The following HR variants were observed in gnomAD, a reference collection of about 807,000 sequenced individuals.
HR encodes the protein HR lysine demethylase and nuclear receptor corepressor, also known as lysine-specific demethylase hairless.
Under a neutral mutation model 128.6 loss-of-function variants are expected in HR, and 83 were observed. That is an observed-to-expected ratio of 0.65 (90% CI 0.54 to 0.77). HR has a LOEUF of 0.77. HR is among the 30% of genes least tolerant of loss of function. The pLI, the probability that HR is intolerant of heterozygous loss-of-function variation, is 0.00. For synonymous variants in HR, 681 were observed against 658.2 expected, an observed-to-expected ratio of 1.03 and a Z score of -0.53; for missense variants, 1,490 against 1,574.6, an observed-to-expected ratio of 0.95 and a Z score of 0.91.
chr8:22,123,617 T>TTGGGGGGGC, intron 6 of HR, 32 bp downstream of exon 6: 14 of 292,080 alleles, frequency 4.8e-5, no homozygotes, highest in Non-Finnish European at 8.1e-5. Context: ...GAGGGCTCCA[T>TTGGGGGGGC]CCCGCCCTCC....
chr8:22,127,157 TG>T lies in HR; in HGVS notation c.1284del (p.Lys429SerfsTer26). Reference protein sequence around the residue: ...EVQGAMGSPAPKRPPDPFPGT... With the variant: ...EVQGAMGSPAXKRPPDPFPGT... ...CCTGGAAAAGGGTCCGGTGGCCGCT[TG>T]GGGGCTGGACTGCCCATTGCTCCCT... On this transcript the variant is annotated frameshift_variant, in exon 3 of 19. Coordinates refer to ENST00000381418, the MANE Select transcript of HR (RefSeq NM_005144.5). LOFTEE classifies it high-confidence loss of function. The T allele has an allele frequency of 6.2e-7, 1 of 1,612,542 alleles. No individual in the cohort carries two copies. The highest frequency in any genetic ancestry group is 8.5e-7 in the Non-Finnish European group (1 of 1,179,704).
Position 22,129,203 on chromosome 8 carries a change from G to C in HR, c.-33C>G, listed in dbSNP as rs1826987859. On this transcript the variant is annotated 5_prime_UTR_variant, in exon 2 of 19. Transcript: ENST00000381418. ...CTGCCCTCATGGGGCTCTCCCAGAG[G>C]GGGGTCCCTGGAGCATAACCATCAA... 2 of 1,516,870 alleles carry C rather than the reference G, an allele frequency of 1.3e-6. No individual in the cohort carries two copies. The highest frequency in any genetic ancestry group is 2.8e-5 in the African/African-American group (2 of 71,770). 94.0% of individuals were successfully genotyped at this position (1,516,870 alleles called of 1,614,324 possible).
intron 3 of HR, 43 bp downstream of exon 3, chr8:22,126,994 C>G (rs769639151): frequency 2.7e-5 from 41 of 1,519,042 alleles, no homozygotes; most frequent in Non-Finnish European, 3.5e-5. Flanking sequence ...GCCCCGGCTG[C>G]CCCCTCCCAC....
rs756185666 is a variant in HR at position 22,128,980 on chromosome 8, C to A, written c.191G>T (p.Gly64Val). Residue 64 changes from glycine to valine, a missense_variant, in exon 2 of 19, where the codon GGC becomes GTC. By Grantham distance (109) the Gly-to-Val change is moderately radical. This residue lies in a region of HR where 1,060 missense variants were observed against 1,060.9 expected (regional missense o/e 1.00). Transcript: ENST00000381418. Reference protein sequence around the residue: ...LSTPDSWLPPGFPQGPKDMLP... With the variant: ...LSTPDSWLPPVFPQGPKDMLP... ...CATGTCCTTGGGGCCCTGGGGGAAG[C>A]CAGGGGGAAGCCAGGAGTCTGGGGT... The A allele has an allele frequency of 1.2e-4, 192 of 1,613,146 alleles. No individual in the cohort carries two copies. Among genetic ancestry groups the A allele is most frequent in the Non-Finnish European group, 1.5e-4 (182 of 1,179,942 alleles).
rs928983272 is a variant in HR, at chr8:22,116,492, C to T, written c.3379-64G>A. On this transcript the variant is annotated intron_variant, in intron 17 of 18. Coordinates refer to ENST00000381418, the MANE Select transcript of HR (RefSeq NM_005144.5). The surrounding 1 kb of genome is among the most constrained non-coding windows in gnomAD (Gnocchi z 4.2). ...CACATCCTCTCCCTGTCCCCCTGGTCCCTGAGGTTCGCTTCCTCTAATGAC... is the reference window on the plus strand; with the variant it reads ...CACATCCTCTCCCTGTCCCCCTGGTTCCTGAGGTTCGCTTCCTCTAATGAC... 52 of 1,572,676 alleles carry T rather than the reference C, an allele frequency of 3.3e-5. No homozygotes were observed. The highest frequency in any genetic ancestry group is 4.1e-5 in the Non-Finnish European group (47 of 1,159,130).
chr8:22,117,745 C>T (rs559819719), intron 16 of HR: 11 of 152,690 alleles, frequency 7.2e-5, no homozygotes, highest in South Asian at 4.1e-4. Flanking sequence ...ACGCCAGCAT[C>T]GTGCTCCAAC....
Position 22,123,682 on chromosome 8 carries a change from C to G in HR, c.1882G>C (p.Val628Leu). The G allele has an allele frequency of 4.5e-6, 7 of 1,548,078 alleles. No homozygotes were observed. The highest frequency in any genetic ancestry group is 2.4e-5 in the East Asian group (1 of 41,916). ...TCCCTGGCCCGCCCAGTGCCTGCCACACGACCACAGGCCACACACAGCCGG... is the reference window on the plus strand; with the variant it reads ...TCCCTGGCCCGCCCAGTGCCTGCCAGACGACCACAGGCCACACACAGCCGG... ...SHRLCVACGR[V>L]AGTGRAREKA... The change falls in exon 6 of 19, where the codon GTG becomes CTG. Residue 628 changes from valine (V) to leucine (L), a missense_variant. Coordinates refer to ENST00000381418, the MANE Select transcript of HR (RefSeq NM_005144.5).
rs1353111239 is a variant in HR at position 22,120,795 on chromosome 8, G to T, written c.2531C>A (p.Ala844Asp). The stretch of plus-strand genomic sequence containing the variant: ...CTGGGGCTCCTGCAGCCACAGCAAA[G>T]CCCCTGGGGGAGGCAGCCGGGGCCG... Reference protein sequence around the residue: ...PVRPRLPPPGALLWLQEPQPC... With the variant: ...PVRPRLPPPGDLLWLQEPQPC... Residue 844 changes from alanine to aspartate, a missense_variant, in exon 11 of 19, where the codon GCT (alanine) becomes GAT (aspartate). By Grantham distance (126) the Ala-to-Asp change is moderately radical (BLOSUM62 -2). Around this residue, in one of 3 missense-constraint regions of HR, gnomAD observed 423 missense variants for 495.9 expected, o/e 0.85. Transcript: ENST00000381418. The T allele has an allele frequency of 3.9e-6, 6 of 1,541,440 alleles. No homozygotes were observed. The highest frequency in any genetic ancestry group is 1.7e-4 in the Middle Eastern group (1 of 5,896).
chr8:22,125,549 G>A (rs750674633), intron 4 of HR, 33 bp downstream of exon 4: 1 of 1,612,714 alleles, frequency 6.2e-7, no homozygotes, highest in South Asian at 1.1e-5. Flanking sequence ...CCTGGCGAGG[G>A]GGCACTGGAG....
rs948925138 is a variant in HR, at chr8:22,130,814, C to T, written c.-427G>A. 6.6e-6 allele frequency: 1 copy of T among 152,222 alleles called. No individual in the cohort carries two copies. The highest frequency in any genetic ancestry group is 1.5e-5 in the Non-Finnish European group (1 of 68,106). 9.4% of individuals were successfully genotyped at this position (152,222 alleles called of 1,614,324 possible). On this transcript the variant is annotated 5_prime_UTR_variant, in exon 1 of 19. Transcript: ENST00000381418. The stretch of plus-strand genomic sequence containing the variant: ...CGCCGGGCCGGGGGGAACACGCGCC[C>T]CGGGTCGGAGATGGCCGAGTTGGGG...
chr8:22,121,785 A>T, intron 8 of HR, 91 bp from the exon 9 acceptor site: 1 of 1,287,776 alleles, frequency 7.8e-7, no homozygotes, highest in Non-Finnish European at 1.1e-6. Flanking sequence ...TGAACAATGG[A>T]CTCTTGTCAG....
rs367955877 is a variant in HR, at chr8:22,121,630, G to T, written c.2186C>A (p.Thr729Asn). The change falls in exon 9 of 19, where the codon ACC (threonine) becomes AAC (asparagine). Residue 729 changes from threonine (T) to asparagine (N), a missense_variant. Thr to Asn is a moderately conservative substitution (Grantham distance 65). Around this residue, in one of 3 missense-constraint regions of HR, gnomAD observed 1,060 missense variants for 1,060.9 expected, o/e 1.00. Coordinates refer to ENST00000381418, the MANE Select transcript of HR (RefSeq NM_005144.5). Reference sequence around the variant, plus strand: ...CCGCTCACCCTCTTTGATGCTCTTGGTCCTGTGGGTGTCGCCATTGCAGGA... The same window carrying T: ...CCGCTCACCCTCTTTGATGCTCTTGTTCCTGTGGGTGTCGCCATTGCAGGA... Reference protein sequence around the residue: ...QPSCNGDTHRTKSIKEETPDS... With the variant: ...QPSCNGDTHRNKSIKEETPDS... 3.0e-5 allele frequency: 49 copies of T among 1,614,104 alleles called. No homozygotes were observed. In the African/African-American group the frequency reaches 6.0e-4, roughly 20 times the overall value.
rs1014054843 is a variant in HR, at chr8:22,126,352, G to T, written c.1406-620C>A. ...ACCGAAGTGATCCCAAAGAACTAAG[G>T]CTGGAGCCGGCAGTGCCAGGGTCCT... On this transcript the variant is annotated intron_variant, in intron 3 of 18. Transcript: ENST00000381418. Among the ~76,000 whole-genome samples the T allele has an allele frequency of 2.0e-5, 3 of 152,240 alleles. No homozygotes were observed. In the East Asian group the frequency reaches 5.8e-4, roughly 29 times the overall value.
chr8:22,123,617 T>TGCCCACCCC, intron 6 of HR, 32 bp downstream of exon 6: 1 of 292,092 alleles, frequency 3.4e-6, no homozygotes, highest in Non-Finnish European at 6.2e-6. Flanking sequence ...GAGGGCTCCA[T>TGCCCACCCC]CCCGCCCTCC....
intron 5 of HR, among the ~76,000 whole-genome samples, chr8:22,124,708 G>A (rs1252331139): frequency 1.3e-5 from 2 of 152,200 alleles, no homozygotes; most frequent in East Asian, 1.9e-4. Context: ...CAGGTAGAAA[G>A]GGAGGAGCAG....
Position 22,125,662 on chromosome 8 carries a change from T to C in HR, c.1476A>G (p.Ala492=). Residue 492 remains alanine (A), a synonymous_variant, in exon 4 of 19, where the codon GCA becomes GCG. Transcript: ENST00000381418. ...LQDIPCLALP[A]KLAQCQSCAQ... is the part of the protein sequence containing the mutation. ...CACAACTTTGGCATTGAGCCAGTTT[T>C]GCAGGGAGAGCCAGGCATGGTATGT... 6.2e-7 allele frequency: 1 copy of C among 1,613,654 alleles called. No homozygotes were observed. The highest frequency in any genetic ancestry group is 8.5e-7 in the Non-Finnish European group (1 of 1,179,916).
At position 22,119,021 on chromosome 8, in the gene HR, T is replaced by C. The variant is rs1256236675; in HGVS notation, c.3142A>G (p.Ser1048Gly). ...ACGTGCCACACAGTGCTGACCTGGC[T>C]GCCCGGAGACCAGAGCCCCTCCCCG... ...LDGEGLWSPG[S>G]QVSTVWHVFR... The change falls in exon 16 of 19, where the codon AGC becomes GGC. Residue 1048 changes from serine to glycine, a missense_variant. By Grantham distance (56) the Ser-to-Gly change is moderately conservative. Around this residue, in one of 3 missense-constraint regions of HR, gnomAD observed 423 missense variants for 495.9 expected, o/e 0.85. Transcript: ENST00000381418. 6.2e-7 allele frequency: 1 copy of C among 1,613,210 alleles called. No homozygotes were observed. Among genetic ancestry groups the C allele is most frequent in the Admixed American group, 1.7e-5 (1 of 60,022 alleles).
Position 22,125,706 on chromosome 8 carries a change from G to A in HR, c.1432C>T (p.Gln478Ter), listed in dbSNP as rs150905462. Reference protein sequence around the residue: ...KGPQDGQASLQDPGLQDIPCL... With the variant: ...KGPQDGQASL ...GGTATGTCCTGAAGTCCCGGGTCCT[G>A]GAGACTGGCCTGGCCATCTTGGGGT... Residue 478 changes from glutamine (Q) to a stop codon, truncating the protein, a stop_gained, in exon 4 of 19, where the codon CAG becomes TAG. Coordinates refer to ENST00000381418, the MANE Select transcript of HR (RefSeq NM_005144.5). LOFTEE classifies it high-confidence loss of function. The A allele has an allele frequency of 1.1e-5, 18 of 1,613,974 alleles. No individual in the cohort carries two copies. Among genetic ancestry groups the A allele is most frequent in the Non-Finnish European group, 1.4e-5 (16 of 1,180,016 alleles).
Position 22,120,337 on chromosome 8 carries a change from CTT to C in HR, c.2776+3_2776+4del. ...CTCCCTCTCCCCTGTGTTGGGGACACTTACGCTCAGGCCAGGAGAAGCCCTCC... is the reference window on the plus strand; with the variant it reads ...CTCCCTCTCCCCTGTGTTGGGGACACACGCTCAGGCCAGGAGAAGCCCTCC... On this transcript the variant is annotated splice_donor_region_variant and intron_variant, in intron 12 of 18. Coordinates refer to ENST00000381418, the MANE Select transcript of HR (RefSeq NM_005144.5). The C allele has an allele frequency of 6.2e-7, 1 of 1,613,764 alleles. No individual in the cohort carries two copies. The highest frequency in any genetic ancestry group is 8.5e-7 in the Non-Finnish European group (1 of 1,179,990).
Sources: gnomAD v4.1 joint callset for allele counts (sites outside exome capture counted in the v4.1 genomes callset) on GRCh38, gnomAD v4.1.1 for gene constraint, gnomAD v4.1.1 regional missense constraint, Gnocchi (gnomAD v3.1) non-coding constraint, MANE v1.5 for transcripts, NCBI Gene and HGNC (gene_info 2026-07-23, HGNC 2026-07-21) for gene names.